CDC42BPA: variants seen among roughly 807,000 people sequenced by gnomAD.
CDC42BPA encodes CDC42 binding protein kinase alpha.
CDC42BPA carries 80 observed loss-of-function variants against 223.5 expected under a neutral mutation model. The ratio of observed to expected loss-of-function variants is 0.36; its 90% CI spans 0.30 to 0.43. The LOEUF is 0.43. Among genes scored for constraint, CDC42BPA ranks in the 20% least tolerant of loss-of-function variants. The pLI is 1.00. For synonymous variants in CDC42BPA, 694 were observed against 718.6 expected, an observed-to-expected ratio of 0.97 and a Z score of 0.55; for missense variants, 1,743 against 2,099.9, an observed-to-expected ratio of 0.83 and a Z score of 3.32.
intron 2 of CDC42BPA, among the ~76,000 whole-genome samples, chr1:227,223,602 A>T (rs546054408): frequency 2.8e-4 from 43 of 152,240 alleles, no homozygotes; most frequent in African/African-American, 1.0e-3. Flanking sequence ...TGAGATATGG[A>T]GACTAGAGAG....
At chr1:227,070,646 G>C (rs1178669205) in intron 20 of CDC42BPA, among the ~76,000 whole-genome samples, 2 of 151,852 alleles carry the variant, frequency 1.3e-5, no homozygotes, top group Non-Finnish European at 2.9e-5. Context: ...AATATTGAGA[G>C]TGTGCCAGAC....
intron 14 of CDC42BPA, among the ~76,000 whole-genome samples, chr1:227,105,619 G>A (rs1466172748): frequency 6.6e-6 from 1 of 152,104 alleles, no homozygotes. Flanking sequence ...CTCCCAAAGT[G>A]CTGGGATTAC....
chr1:227,182,556 G>A (rs1470510002), intron 5 of CDC42BPA, among the ~76,000 whole-genome samples: 2 of 152,078 alleles, frequency 1.3e-5, no homozygotes, highest in East Asian at 3.8e-4. Flanking sequence ...TTCCCCCAAT[G>A]GTAACATATG....
At position 227,318,014 on chromosome 1, in the gene CDC42BPA, C is replaced by G. The variant is rs1158828660; in HGVS notation, c.-832G>C. The G allele has an allele frequency of 2.7e-6, 1 of 375,212 alleles. No individual in the cohort carries two copies. Among genetic ancestry groups the G allele is most frequent in the Non-Finnish European group, 4.7e-6 (1 of 211,724 alleles). The allele number at this position is 375,212 out of a possible 1,614,324, so 23.2% of individuals were successfully genotyped here. A position where few individuals can be genotyped will look rare whatever the true frequency, so the allele number is the denominator to read the frequency against. On this transcript the variant is annotated 5_prime_UTR_variant, in exon 1 of 37. Transcript: ENST00000366766. Reference sequence around the variant, plus strand: ...GCACTGGCACCGGGCTCCGGAGAAGCGGCTACTTGGCCGCCCGAGCCCACT... The same window carrying G: ...GCACTGGCACCGGGCTCCGGAGAAGGGGCTACTTGGCCGCCCGAGCCCACT...
chr1:227,051,852 T>C lies in CDC42BPA; in HGVS notation c.3009+29A>G, dbSNP rs754271831. The stretch of plus-strand genomic sequence containing the variant: ...CTCTTTTCTGACACAAGTGAAAAGT[T>C]GGGGAGCAGGGATGCTCCAATAAGG... On this transcript the variant is annotated intron_variant, in intron 22 of 36. Transcript: ENST00000366766. 5.7e-5 allele frequency: 70 copies of C among 1,235,768 alleles called. 2 individuals are homozygous for C. In the South Asian group the frequency reaches 8.2e-4, roughly 14 times the overall value. The allele number at this position is 1,235,768 out of a possible 1,614,324, so 76.6% of individuals were successfully genotyped here.
At chr1:227,185,592 T>C (rs1250331199) in intron 5 of CDC42BPA, among the ~76,000 whole-genome samples, 1 of 152,148 alleles carries the variant, frequency 6.6e-6, no homozygotes, top group African/African-American at 2.4e-5. Context: ...AGCCTTCCAG[T>C]ATAGCTGGTT....
At chr1:227,243,337 A>G (rs1475473535) in intron 2 of CDC42BPA, among the ~76,000 whole-genome samples, 2 of 152,258 alleles carry the variant, frequency 1.3e-5, no homozygotes, top group African/African-American at 4.8e-5. Context: ...TTTTTAAAAA[A>G]GACTTCTACA....
chr1:227,202,652 T>G (rs910801609), intron 3 of CDC42BPA, among the ~76,000 whole-genome samples: 1 of 151,540 alleles, frequency 6.6e-6, no homozygotes, highest in African/African-American at 2.4e-5. Flanking sequence ...CCAGGAGTAG[T>G]GGCTCATATC....
intron 34 of CDC42BPA, among the ~76,000 whole-genome samples, chr1:227,013,271 C>G (rs1327412422): frequency 6.6e-6 from 1 of 152,056 alleles, no homozygotes; most frequent in Non-Finnish European, 1.5e-5. Flanking sequence ...AATCAGGTGA[C>G]AACAAACACT....
chr1:227,242,038 C>CA (rs1277032086), intron 2 of CDC42BPA, among the ~76,000 whole-genome samples: 1 of 151,782 alleles, frequency 6.6e-6, no homozygotes, highest in Admixed American at 6.6e-5. Flanking sequence ...TGCACATAAA[C>CA]AAAAAAATTA....
At chr1:227,100,746 T>TTGTGTGTGTGTGTGTGTGTGTGTGTG in intron 15 of CDC42BPA, among the ~76,000 whole-genome samples, 1 of 49,926 alleles carries the variant, frequency 2.0e-5, no homozygotes, top group African/African-American at 7.4e-5. Context: ...CATACCCAGC[T>TTGTGTGTGTGTGTGTGTGTGTGTGTG]AGTGTGTGTG....
chr1:227,022,872 G>A (rs1667640963), intron 32 of CDC42BPA, among the ~76,000 whole-genome samples: 1 of 152,140 alleles, frequency 6.6e-6, no homozygotes, highest in South Asian at 2.1e-4. Flanking sequence ...CCTGTACACT[G>A]GCAGAAGATA....
intron 3 of CDC42BPA, among the ~76,000 whole-genome samples, chr1:227,201,236 C>T (rs1207429259): frequency 1.3e-5 from 2 of 151,960 alleles, no homozygotes; most frequent in Non-Finnish European, 2.9e-5. Flanking sequence ...AGCCCAGGCT[C>T]CTGGGCTCAA....
chr1:227,222,486 G>A (rs1324095714), intron 2 of CDC42BPA, among the ~76,000 whole-genome samples: 1 of 152,046 alleles, frequency 6.6e-6, no homozygotes, highest in Admixed American at 6.6e-5. Context: ...GGGACACAGC[G>A]AGACTCTGTC....
At chr1:227,087,075 T>C (rs1682102827) in intron 16 of CDC42BPA, among the ~76,000 whole-genome samples, 1 of 152,230 alleles carries the variant, frequency 6.6e-6, no homozygotes, top group Admixed American at 6.5e-5. Flanking sequence ...CTTAATGTTC[T>C]TTTTAAATTT....
chr1:227,287,312 G>C (rs995571661), intron 1 of CDC42BPA, among the ~76,000 whole-genome samples: 1 of 152,138 alleles, frequency 6.6e-6, no homozygotes, highest in Non-Finnish European at 1.5e-5. Flanking sequence ...TCTATGGCTG[G>C]CATCTGGGAA....
At chr1:227,194,828 G>A (rs1422386982) in intron 4 of CDC42BPA, among the ~76,000 whole-genome samples, 1 of 152,138 alleles carries the variant, frequency 6.6e-6, no homozygotes, top group Non-Finnish European at 1.5e-5. Context: ...TGTTGTAAGT[G>A]GATGTTGAAA....
Position 226,994,457 on chromosome 1 carries a change from G to T in CDC42BPA, c.5134-58C>A. ...GGAGGGGGAGAAAGGGAGGCAGAAG[G>T]GGCTCAGATTACCACCGCCCCCTCC... On this transcript the variant is annotated intron_variant, in intron 36 of 36. Coordinates refer to ENST00000366766, the MANE Select transcript of CDC42BPA (RefSeq NM_001394014.1). This position sits in a 1 kb window ranked among gnomAD's most constrained non-coding sequence, Gnocchi z 4.0. 1 of 1,453,752 alleles carries T rather than the reference G, an allele frequency of 6.9e-7. No homozygotes were observed. The highest frequency in any genetic ancestry group is 9.1e-7 in the Non-Finnish European group (1 of 1,098,394). The allele number at this position is 1,453,752 out of a possible 1,614,324, so 90.1% of individuals were successfully genotyped here. A position where few individuals can be genotyped will look rare whatever the true frequency, so the allele number is the denominator to read the frequency against.
chr1:227,242,568 A>G (rs1014088988), intron 2 of CDC42BPA, among the ~76,000 whole-genome samples: 2 of 152,168 alleles, frequency 1.3e-5, no homozygotes, highest in African/African-American at 2.4e-5. Context: ...TAAAAGATTA[A>G]TATTTTTAAA....
Sources: allele counts gnomAD v4.1 joint callset (sites outside exome capture counted in the v4.1 genomes callset), GRCh38; gene constraint gnomAD v4.1.1; non-coding constraint Gnocchi (gnomAD v3.1); transcripts MANE v1.5; gene names NCBI Gene and HGNC (gene_info 2026-07-23, HGNC 2026-07-21).